The following KIAA2012 variants were observed in gnomAD, a reference collection of about 807,000 sequenced individuals.
KIAA2012 encodes the protein uncharacterized protein KIAA2012.
In KIAA2012, 125 loss-of-function variants were observed where a neutral mutation model predicts 150.6. That is an observed-to-expected ratio of 0.83 (90% confidence interval 0.72 to 0.96). The LOEUF is 0.96. Ranked by LOEUF, KIAA2012 falls within the 40% of genes least tolerant of loss-of-function variation. The pLI is 0.00. For synonymous variants in KIAA2012, 462 were observed against 504.7 expected, an observed-to-expected ratio of 0.92 and a Z score of 1.13; for missense variants, 1,219 against 1,354.9, an observed-to-expected ratio of 0.90 and a Z score of 1.57.
chr2:202,158,567 G>A (rs1404572288), intron 14 of KIAA2012, among the ~76,000 whole-genome samples: 1 of 151,588 alleles, frequency 6.6e-6, no homozygotes, highest in Non-Finnish European at 1.5e-5. Flanking sequence ...TCACCATGTT[G>A]GCCAGGCTGG....
chr2:202,165,162 G>A, intron 14 of KIAA2012, 122 bp from the exon 15 acceptor site: 1 of 869,760 alleles, frequency 1.1e-6, no homozygotes, highest in East Asian at 2.8e-5. Flanking sequence ...TGACGAAGAA[G>A]GAGAAGAAAC....
intron 15 of KIAA2012, among the ~76,000 whole-genome samples, chr2:202,184,089 A>G (rs1358731737): frequency 6.6e-6 from 1 of 152,138 alleles, no homozygotes; most frequent in African/African-American, 2.4e-5. Flanking sequence ...ATTTTTCATG[A>G]TTAATAGTAA....
At chr2:202,083,505 C>T (rs897835325) in intron 2 of KIAA2012, among the ~76,000 whole-genome samples, 1 of 152,248 alleles carries the variant, frequency 6.6e-6, no homozygotes, top group African/African-American at 2.4e-5. Context: ...CCAGAGAACA[C>T]TGACTCCGGC....
chr2:202,096,096 C>T (rs1366500968), intron 4 of KIAA2012, among the ~76,000 whole-genome samples: 1 of 151,546 alleles, frequency 6.6e-6, no homozygotes, highest in African/African-American at 2.4e-5. Flanking sequence ...GCACCCCCCA[C>T]CCAAAAAAAA....
chr2:202,124,536 C>T (rs1170104069), intron 11 of KIAA2012, among the ~76,000 whole-genome samples: 1 of 152,144 alleles, frequency 6.6e-6, no homozygotes, highest in African/African-American at 2.4e-5. Flanking sequence ...TCTGTCATCC[C>T]CCATGGCTGC....
chr2:202,130,641 T>A (rs2105939623), intron 12 of KIAA2012, among the ~76,000 whole-genome samples: 1 of 152,294 alleles, frequency 6.6e-6, no homozygotes, highest in Admixed American at 6.5e-5. Flanking sequence ...TTAAGGCCAG[T>A]CGCAGTGACT....
chr2:202,196,910 GA>G lies in KIAA2012; in HGVS notation c.3300del (p.Ala1101GlnfsTer122). 6.4e-7 allele frequency: 1 copy of G among 1,550,748 alleles called. No homozygotes were observed. Among genetic ancestry groups the G allele is most frequent in the South Asian group, 1.2e-5 (1 of 84,056 alleles). Reference protein sequence around the residue: ...ERLEYQRRKQEAEEKARLEAE... With the variant: ...ERLEYQRRKQXAEEKARLEAE... ...ACTGGAGTACCAGCGGCGGAAACAG[GA>G]AGCAGAAGAGAAGGCTCGGCTGGAG... On this transcript the variant is annotated frameshift_variant, in exon 22 of 24. Transcript: ENST00000498697. LOFTEE classifies it high-confidence loss of function.
chr2:202,177,392 A>T lies in KIAA2012; in HGVS notation c.2120-7361A>T, dbSNP rs370427442. ...TATATGTGTCTTAATCCATTTTGTG[A>T]TGCTATAACAGAATGCCTGAGATTG... On this transcript the variant is annotated intron_variant, in intron 15 of 23. Transcript: ENST00000498697. Among the ~76,000 whole-genome samples the T allele has an allele frequency of 5.5e-4, 83 of 152,290 alleles. 1 individual carries two copies. In the South Asian group the frequency reaches 0.017, roughly 31 times the overall value.
intron 13 of KIAA2012, among the ~76,000 whole-genome samples, chr2:202,152,832 C>A (rs943402442): frequency 2.0e-5 from 3 of 152,080 alleles, no homozygotes; most frequent in Non-Finnish European, 4.4e-5. Context: ...GTTAATTCAT[C>A]ATTAATGTTT....
At position 202,190,489 on chromosome 2, in the gene KIAA2012, C is replaced by T. The variant is rs761213429; in HGVS notation, c.2807C>T (p.Ser936Phe). Residue 936 changes from serine (S) to phenylalanine (F), a missense_variant, in exon 19 of 24, where the codon TCC (serine) becomes TTC (phenylalanine). Coordinates refer to ENST00000498697, the MANE Select transcript of KIAA2012 (RefSeq NM_001277372.4). ...SKEERRCEDP[S>F]KALLTKREQE... ...GAAGAGAGAAGATGTGAGGACCCTT[C>T]CAAGGTAGGGTCTGATGTCCTCAGC... 5.3e-6 allele frequency: 8 copies of T among 1,514,808 alleles called. No homozygotes were observed. The Admixed American group carries it at 1.5e-4, about 29-fold the overall frequency. 93.8% of individuals were successfully genotyped at this position (1,514,808 alleles called of 1,614,324 possible). A position where few individuals can be genotyped will look rare whatever the true frequency, so the allele number is the denominator to read the frequency against.
chr2:202,144,029 C>G (rs1342661532), intron 13 of KIAA2012, among the ~76,000 whole-genome samples: 1 of 152,142 alleles, frequency 6.6e-6, no homozygotes, highest in Admixed American at 6.5e-5. Context: ...CAAGCTCAAA[C>G]CTTAATTAGA....
At chr2:202,204,078 T>G (rs1319534137) in intron 23 of KIAA2012, among the ~76,000 whole-genome samples, 1 of 2,660 alleles carries the variant, frequency 3.8e-4, no homozygotes, top group Non-Finnish European at 9.2e-4. Context: ...GGTTTTTTGT[T>G]TTTTTTTTTT....
Position 202,187,118 on chromosome 2 carries a change from A to G in KIAA2012, c.2376+20A>G. 1 of 1,548,794 alleles carries G rather than the reference A, an allele frequency of 6.5e-7. No homozygotes were observed. Among genetic ancestry groups the G allele is most frequent in the African/African-American group, 1.4e-5 (1 of 73,102 alleles). ...AGTCATGTGAGTGTAAACCCCTAAA[A>G]GCTTGGTCCAAAAGCCCTACTTGGA... is the stretch of plus-strand genomic sequence containing the variant. On this transcript the variant is annotated intron_variant, in intron 17 of 23. Coordinates refer to ENST00000498697, the MANE Select transcript of KIAA2012 (RefSeq NM_001277372.4).
At chr2:202,135,684 T>C (rs1046598943) in intron 12 of KIAA2012, 3 of 152,242 alleles carry the variant, frequency 2.0e-5, no homozygotes, top group African/African-American at 7.2e-5. Flanking sequence ...CCTTATGCAT[T>C]AGAATTCATA....
chr2:202,204,316 A>C (rs1692596213), intron 23 of KIAA2012, among the ~76,000 whole-genome samples: 1 of 152,148 alleles, frequency 6.6e-6, no homozygotes, highest in Admixed American at 6.6e-5. Flanking sequence ...GGCTCGAGTT[A>C]TCTGCCCACC....
chr2:202,108,895 T>C (rs527853137), intron 9 of KIAA2012, among the ~76,000 whole-genome samples: 2 of 152,316 alleles, frequency 1.3e-5, no homozygotes, highest in South Asian at 4.1e-4. Flanking sequence ...ACATGTGAAA[T>C]AAAGACCACT....
At chr2:202,117,741 G>A (rs574337503) in intron 11 of KIAA2012, among the ~76,000 whole-genome samples, 4 of 152,146 alleles carry the variant, frequency 2.6e-5, no homozygotes, top group Non-Finnish European at 5.9e-5. Flanking sequence ...AAAAGGAAAG[G>A]TTCTAGGGCC....
At chr2:202,119,002 A>G (rs941385503) in intron 11 of KIAA2012, among the ~76,000 whole-genome samples, 1 of 152,228 alleles carries the variant, frequency 6.6e-6, no homozygotes, top group Non-Finnish European at 1.5e-5. Context: ...ACATGTCAAG[A>G]ATAATAGCTT....
At chr2:202,192,121 T>A (rs896096579) in intron 19 of KIAA2012, among the ~76,000 whole-genome samples, 3 of 152,214 alleles carry the variant, frequency 2.0e-5, no homozygotes, top group African/African-American at 2.4e-5. Context: ...CAGATGAAAA[T>A]TTTAACCTAT....
Sources: gnomAD v4.1 joint callset for allele counts (sites outside exome capture counted in the v4.1 genomes callset) on GRCh38, gnomAD v4.1.1 for gene constraint, MANE v1.5 for transcripts, NCBI Gene and HGNC (gene_info 2026-07-23, HGNC 2026-07-21) for gene names.